Variants in ATF6 observed in about 807,000 individuals in gnomAD.
ATF6 encodes the protein cyclic AMP-dependent transcription factor ATF-6 alpha.
In ATF6, 53 loss-of-function variants were observed where a neutral mutation model predicts 83.6. That is an observed-to-expected ratio of 0.63 (90% CI 0.51 to 0.80). The LOEUF is 0.80. Ranked by LOEUF, ATF6 falls within the 30% of genes least tolerant of loss-of-function variation. The probability of loss-of-function intolerance (pLI) is 0.00; values close to 1 mark genes in which losing one functional copy is unlikely to be tolerated. For synonymous variants in ATF6, 288 were observed against 285.8 expected, an observed-to-expected ratio of 1.01 and a Z score of -0.08; for missense variants, 744 against 797.9, an observed-to-expected ratio of 0.93 and a Z score of 0.81.
chr1:161,863,893 G>C (rs1571199611), intron 14 of ATF6, among the ~76,000 whole-genome samples: 1 of 152,214 alleles, frequency 6.6e-6, no homozygotes, highest in East Asian at 1.9e-4. Flanking sequence ...TGAATGTTAG[G>C]CTAAATGGAA....
Position 161,962,940 on chromosome 1 carries a change from C to G in ATF6, c.*4286C>G, listed in dbSNP as rs1383194639. 1 of 152,032 alleles carries G rather than the reference C, an allele frequency of 6.6e-6. No individual in the cohort carries two copies. The highest frequency in any genetic ancestry group is 2.4e-5 in the African/African-American group (1 of 41,378). The allele number at this position is 152,032 out of a possible 1,614,324, so 9.4% of individuals were successfully genotyped here. On this transcript the variant is annotated 3_prime_UTR_variant, in exon 16 of 16. Transcript: ENST00000367942. Reference sequence around the variant, plus strand: ...AGGATTGTTGCTGCTAATATGAATACCAATTATAACTTTTAGAAACAAGAA... The same window carrying G: ...AGGATTGTTGCTGCTAATATGAATAGCAATTATAACTTTTAGAAACAAGAA...
chr1:161,886,749 GCA>G (rs1558010780), intron 14 of ATF6, among the ~76,000 whole-genome samples: 1 of 152,190 alleles, frequency 6.6e-6, no homozygotes, highest in Non-Finnish European at 1.5e-5. Context: ...ACAAAGTGAA[GCA>G]CAGAGAGGTT....
At chr1:161,849,291 C>A (rs944792053) in intron 10 of ATF6, among the ~76,000 whole-genome samples, 7 of 152,166 alleles carry the variant, frequency 4.6e-5, no homozygotes, top group African/African-American at 1.7e-4. Flanking sequence ...TTATTCCAAA[C>A]AACTTAAACC....
intron 14 of ATF6, among the ~76,000 whole-genome samples, chr1:161,886,682 C>T (rs1040930819): frequency 6.6e-6 from 1 of 152,172 alleles, no homozygotes; most frequent in Non-Finnish European, 1.5e-5. Flanking sequence ...ACATGCGGTC[C>T]ATTGTTGACA....
rs755844844 is a variant in ATF6 at position 161,846,407 on chromosome 1, A to G, written c.1188-42A>G. ...TGCATGTAGCAGGCATATGTGTGAC[A>G]TATTTTTATTTCAGCTATTATTTCC... On this transcript the variant is annotated intron_variant, in intron 9 of 15. Coordinates refer to ENST00000367942, the MANE Select transcript of ATF6 (RefSeq NM_007348.4). The G allele has an allele frequency of 5.1e-6, 8 of 1,581,094 alleles. No homozygotes were observed. In the Admixed American group the frequency reaches 7.0e-5, roughly 14 times the overall value.
At chr1:161,944,511 G>A (rs1379954509) in intron 15 of ATF6, among the ~76,000 whole-genome samples, 2 of 152,182 alleles carry the variant, frequency 1.3e-5, no homozygotes, top group African/African-American at 2.4e-5. Context: ...AGTTTGTTCT[G>A]TAGATAAACT....
intron 12 of ATF6, among the ~76,000 whole-genome samples, chr1:161,856,006 G>T (rs1312558657): frequency 6.6e-6 from 1 of 152,182 alleles, no homozygotes; most frequent in Non-Finnish European, 1.5e-5. Context: ...AGCTACAGGA[G>T]TCAAGAAAGA....
intron 14 of ATF6, among the ~76,000 whole-genome samples, chr1:161,888,708 G>C (rs942389367): frequency 1.1e-4 from 16 of 152,126 alleles, no homozygotes; most frequent in Admixed American, 1.0e-3. Flanking sequence ...TCCTCATTTG[G>C]ATTATGGCAG....
Position 161,819,765 on chromosome 1 carries a change from C to T in ATF6, c.1042C>T (p.Leu348=), listed in dbSNP as rs772167811. 2 of 1,612,188 alleles carry T rather than the reference C, an allele frequency of 1.2e-6. No individual in the cohort carries two copies. Among genetic ancestry groups the T allele is most frequent in the Non-Finnish European group, 1.7e-6 (2 of 1,179,244 alleles). ...LKAALSENEQ[L]KKENGTLKRQ... Reference sequence around the variant, plus strand: ...GGCTGCCCTCTCAGAAAACGAGCAACTGAAGAAAGAAAATGGAACACTGAA... The same window carrying T: ...GGCTGCCCTCTCAGAAAACGAGCAATTGAAGAAAGAAAATGGAACACTGAA... The change falls in exon 8 of 16, where the codon CTG becomes TTG. Residue 348 remains leucine, a synonymous_variant. Coordinates refer to ENST00000367942, the MANE Select transcript of ATF6 (RefSeq NM_007348.4).
chr1:161,853,339 T>C lies in ATF6; in HGVS notation c.1533+16T>C, dbSNP rs1298234596. The C allele has an allele frequency of 1.9e-6, 3 of 1,591,446 alleles. No individual in the cohort carries two copies. The highest frequency in any genetic ancestry group is 2.6e-6 in the Non-Finnish European group (3 of 1,160,594). Reference sequence around the variant, plus strand: ...TATTCTTCAGGTATGTTTCTGTTTGTCTTTGAACAATAGTTGGCGTATTTG... The same window carrying C: ...TATTCTTCAGGTATGTTTCTGTTTGCCTTTGAACAATAGTTGGCGTATTTG... On this transcript the variant is annotated intron_variant, in intron 12 of 15. Coordinates refer to ENST00000367942, the MANE Select transcript of ATF6 (RefSeq NM_007348.4).
At chr1:161,932,091 A>G (rs1021328342) in intron 15 of ATF6, among the ~76,000 whole-genome samples, 3 of 152,216 alleles carry the variant, frequency 2.0e-5, no homozygotes, top group Non-Finnish European at 2.9e-5. Context: ...ACCCTAAAAT[A>G]TAGGGTTGTT....
intron 7 of ATF6, among the ~76,000 whole-genome samples, chr1:161,809,742 G>A (rs937358713): frequency 3.9e-5 from 6 of 152,208 alleles, no homozygotes; most frequent in African/African-American, 1.2e-4. Flanking sequence ...TCTAACTGGT[G>A]TGAGATGGTA....
At chr1:161,794,115 C>G (rs1004336412) in intron 6 of ATF6, among the ~76,000 whole-genome samples, 2 of 152,072 alleles carry the variant, frequency 1.3e-5, no homozygotes, top group Non-Finnish European at 2.9e-5. Context: ...CCATGTCGGC[C>G]AGGATGGTCT....
At chr1:161,931,193 T>C (rs2101902213) in intron 15 of ATF6, among the ~76,000 whole-genome samples, 1 of 152,220 alleles carries the variant, frequency 6.6e-6, no homozygotes, top group Non-Finnish European at 1.5e-5. Flanking sequence ...GAAATTCTAA[T>C]ATTTGTTCTG....
intron 14 of ATF6, among the ~76,000 whole-genome samples, chr1:161,904,255 A>G (rs909838712): frequency 2.6e-5 from 4 of 152,188 alleles, no homozygotes; most frequent in Non-Finnish European, 5.9e-5. Flanking sequence ...TAAAAATTGT[A>G]TTTCCTACAA....
intron 14 of ATF6, among the ~76,000 whole-genome samples, chr1:161,869,758 A>G (rs1687082711): frequency 6.6e-6 from 1 of 151,854 alleles, no homozygotes. Context: ...TCATTATGCC[A>G]ATAATGTTCT....
In ATF6 at chr1:161,802,305, C is replaced by A. The variant is rs201228457; in HGVS notation, c.909+33C>A. On this transcript the variant is annotated intron_variant, in intron 7 of 15. Coordinates refer to ENST00000367942, the MANE Select transcript of ATF6 (RefSeq NM_007348.4). ...TTGAAACTTAGTGCTTCTCTTAATG[C>A]CTGATTTAAAAACCAACAAAAAAAC... 1.5e-3 allele frequency: 2,313 copies of A among 1,582,240 alleles called. 22 individuals are homozygous for A. Among genetic ancestry groups the A allele is most frequent in the South Asian group, 6.3e-3 (555 of 88,796 alleles).
At chr1:161,833,505 GAA>G (rs887416338) in intron 9 of ATF6, among the ~76,000 whole-genome samples, 5 of 150,654 alleles carry the variant, frequency 3.3e-5, no homozygotes, top group Admixed American at 2.6e-4. Flanking sequence ...TAAAAACTTT[GAA>G]AAAAAAATTA....
chr1:161,906,362 A>G (rs1001941059), intron 14 of ATF6, among the ~76,000 whole-genome samples: 8 of 152,206 alleles, frequency 5.3e-5, no homozygotes, highest in Admixed American at 5.2e-4. Flanking sequence ...TTGACCAAGA[A>G]ACTCAAAATT....
Sources: gnomAD v4.1 joint callset for allele counts (sites outside exome capture counted in the v4.1 genomes callset) on GRCh38, gnomAD v4.1.1 for gene constraint, MANE v1.5 for transcripts, NCBI Gene and HGNC (gene_info 2026-07-23, HGNC 2026-07-21) for gene names.